ST6GALNAC3: variants seen among roughly 807,000 people sequenced by gnomAD.
ST6GALNAC3 encodes ST6 N-acetylgalactosaminide alpha-2,6-sialyltransferase 3, also known as alpha-N-acetylgalactosaminide alpha-2,6-sialyltransferase 3.
A neutral mutation model predicts 32.7 loss-of-function variants in ST6GALNAC3; 25 were observed. The observed-to-expected ratio is 0.76, with a 90% CI of 0.56 to 1.07. The LOEUF is 1.07. ST6GALNAC3 is among the 50% of genes least tolerant of loss of function. ST6GALNAC3 has a pLI of 0.00. For missense variants in ST6GALNAC3, 355 were observed against 382.4 expected, an observed-to-expected ratio of 0.93 and a Z score of 0.60; for synonymous variants, 129 against 133.1, an observed-to-expected ratio of 0.97 and a Z score of 0.21.
At chr1:76,426,928 T>C (rs889360274) in intron 3 of ST6GALNAC3, among the ~76,000 whole-genome samples, 1 of 152,052 alleles carries the variant, frequency 6.6e-6, no homozygotes, top group Non-Finnish European at 1.5e-5. Flanking sequence ...TGTTTAACTT[T>C]CATGAGAGAT....
At chr1:76,188,333 G>T (rs1435073757) in intron 1 of ST6GALNAC3, among the ~76,000 whole-genome samples, 2 of 152,116 alleles carry the variant, frequency 1.3e-5, no homozygotes, top group Non-Finnish European at 2.9e-5. Flanking sequence ...CTGCACTCCA[G>T]CCTGGATGAC....
intron 1 of ST6GALNAC3, among the ~76,000 whole-genome samples, chr1:76,156,754 C>T (rs574894267): frequency 2.6e-4 from 40 of 152,172 alleles, no homozygotes; most frequent in Non-Finnish European, 2.4e-4. Flanking sequence ...TTTTTTGAGA[C>T]GGAGTCTCGC....
At chr1:76,205,128 C>T (rs1654749093) in intron 1 of ST6GALNAC3, among the ~76,000 whole-genome samples, 1 of 152,188 alleles carries the variant, frequency 6.6e-6, no homozygotes, top group African/African-American at 2.4e-5. Flanking sequence ...GCAGTATCAA[C>T]ACCCTTCAAC....
chr1:76,508,485 A>G (rs1260460390), intron 3 of ST6GALNAC3, among the ~76,000 whole-genome samples: 1 of 152,128 alleles, frequency 6.6e-6, no homozygotes, highest in African/African-American at 2.4e-5. Context: ...TGGACAGGAC[A>G]GCTCCCAGAG....
chr1:76,226,009 G>A (rs1029344937), intron 1 of ST6GALNAC3, among the ~76,000 whole-genome samples: 1 of 152,118 alleles, frequency 6.6e-6, no homozygotes. Flanking sequence ...CTCTCTCTAT[G>A]TGGTATGAAA....
intron 3 of ST6GALNAC3, among the ~76,000 whole-genome samples, chr1:76,523,738 G>A (rs1471831528): frequency 6.6e-6 from 1 of 152,110 alleles, no homozygotes; most frequent in Non-Finnish European, 1.5e-5. Flanking sequence ...TTGTAGCTTA[G>A]CTCTTTAGCT....
rs1196226072 is a variant in ST6GALNAC3 at position 76,431,550 on chromosome 1, C to T, written c.623+19133C>T. ...CCTTTCTGTCTCTCTCATACACATG[C>T]ACACATATACACAAAATATTCCATA... On this transcript the variant is annotated intron_variant, in intron 3 of 4. Coordinates refer to ENST00000328299, the MANE Select transcript of ST6GALNAC3 (RefSeq NM_152996.4). 2.3e-4 allele frequency among the ~76,000 whole-genome samples: 35 copies of T among 152,128 alleles called. 2 individuals are homozygous for T. Among genetic ancestry groups the T allele is most frequent in the Admixed American group, 2.3e-3 (35 of 15,252 alleles).
chr1:76,330,543 A>G (rs546050203), intron 2 of ST6GALNAC3, among the ~76,000 whole-genome samples: 29 of 152,348 alleles, frequency 1.9e-4, no homozygotes, highest in Non-Finnish European at 3.4e-4. Context: ...GTCTCAAATT[A>G]TCATTATCTT....
chr1:76,232,045 A>G (rs892736384), intron 1 of ST6GALNAC3, among the ~76,000 whole-genome samples: 5 of 152,158 alleles, frequency 3.3e-5, no homozygotes, highest in South Asian at 2.1e-4. Context: ...CACTTACCCA[A>G]GGTCGTATGG....
intron 1 of ST6GALNAC3, among the ~76,000 whole-genome samples, chr1:76,181,078 G>T (rs1043217507): frequency 6.6e-6 from 1 of 152,212 alleles, no homozygotes; most frequent in African/African-American, 2.4e-5. Flanking sequence ...CTGCTGTGGG[G>T]CCAGAGCCCA....
chr1:76,609,695 C>T (rs1480628665), intron 3 of ST6GALNAC3, among the ~76,000 whole-genome samples: 2 of 152,082 alleles, frequency 1.3e-5, no homozygotes, highest in African/African-American at 4.8e-5. Flanking sequence ...TTAATTAGCT[C>T]ATTAGCATAT....
intron 3 of ST6GALNAC3, among the ~76,000 whole-genome samples, chr1:76,607,223 A>G (rs1442836352): frequency 1.3e-5 from 2 of 152,216 alleles, no homozygotes; most frequent in Non-Finnish European, 1.5e-5. Flanking sequence ...CGGGAGCTGT[A>G]TGCCCTCTCC....
intron 1 of ST6GALNAC3, among the ~76,000 whole-genome samples, chr1:76,107,633 G>A (rs980730612): frequency 1.3e-5 from 2 of 152,054 alleles, no homozygotes; most frequent in African/African-American, 4.8e-5. Flanking sequence ...ATTAATCAGT[G>A]TGAGCTTTTT....
intron 1 of ST6GALNAC3, among the ~76,000 whole-genome samples, chr1:76,243,788 T>G (rs1657099495): frequency 6.6e-6 from 1 of 152,228 alleles, no homozygotes; most frequent in South Asian, 2.1e-4. Flanking sequence ...TTCTGAGGTC[T>G]CTGTTCTATT....
At chr1:76,579,751 T>C (rs1213234426) in intron 3 of ST6GALNAC3, among the ~76,000 whole-genome samples, 1 of 152,114 alleles carries the variant, frequency 6.6e-6, no homozygotes, top group Non-Finnish European at 1.5e-5. Flanking sequence ...TTTGGTCTCT[T>C]ATTTACTGTA....
intron 1 of ST6GALNAC3, among the ~76,000 whole-genome samples, chr1:76,136,664 G>T (rs1393822486): frequency 2.6e-5 from 4 of 152,188 alleles, no homozygotes; most frequent in African/African-American, 9.7e-5. Flanking sequence ...CAGAACTGGG[G>T]AGGCATTTGA....
chr1:76,203,964 A>G (rs1654678908), intron 1 of ST6GALNAC3, among the ~76,000 whole-genome samples: 1 of 152,202 alleles, frequency 6.6e-6, no homozygotes, highest in South Asian at 2.1e-4. Flanking sequence ...GATCTATCAA[A>G]CACTAGCTTT....
intron 3 of ST6GALNAC3, among the ~76,000 whole-genome samples, chr1:76,454,451 T>G (rs1657626674): frequency 6.6e-6 from 1 of 152,172 alleles, no homozygotes; most frequent in Non-Finnish European, 1.5e-5. Flanking sequence ...TGGAGCTACC[T>G]CTAGCAGTTC....
At chr1:76,587,655 A>C (rs1490175158) in intron 3 of ST6GALNAC3, among the ~76,000 whole-genome samples, 1 of 152,216 alleles carries the variant, frequency 6.6e-6, no homozygotes, top group African/African-American at 2.4e-5. Context: ...TGTGAGGATT[A>C]AATATGATAA....
Sources: gnomAD v4.1 joint callset for allele counts (sites outside exome capture counted in the v4.1 genomes callset) on GRCh38, gnomAD v4.1.1 for gene constraint, MANE v1.5 for transcripts, NCBI Gene and HGNC (gene_info 2026-07-23, HGNC 2026-07-21) for gene names.